Variants in ARSB observed in about 807,000 individuals in gnomAD.
The protein encoded by ARSB is arylsulfatase B, also known as N-acetylgalactosamine-4-sulfatase.
In ARSB, 41 loss-of-function variants were observed where a neutral mutation model predicts 50.9. That is an observed-to-expected ratio of 0.81 (90% confidence interval 0.63 to 1.04). ARSB has a LOEUF of 1.04. Ranked by LOEUF, ARSB falls within the 50% of genes least tolerant of loss-of-function variation. The pLI is 0.00. For missense variants in ARSB, 672 were observed against 693.3 expected (o/e 0.97, Z 0.35); for synonymous variants, 269 against 284.8 (o/e 0.94, Z 0.56).
intron 6 of ARSB, among the ~76,000 whole-genome samples, chr5:78,800,547 G>T (rs892883107): frequency 6.6e-6 from 1 of 152,084 alleles, no homozygotes. Flanking sequence ...AGAATTTTTT[G>T]AGCATCTGCC....
intron 6 of ARSB, among the ~76,000 whole-genome samples, chr5:78,821,026 T>C (rs767007682): frequency 6.6e-6 from 1 of 151,886 alleles, no homozygotes; most frequent in Non-Finnish European, 1.5e-5. Context: ...TAAATCCATA[T>C]TGTATACATA....
chr5:78,962,320 A>G (rs1166662441), intron 3 of ARSB, among the ~76,000 whole-genome samples: 3 of 152,150 alleles, frequency 2.0e-5, no homozygotes, highest in African/African-American at 7.2e-5. Flanking sequence ...CCTAGCAACT[A>G]TTTTTCCAAT....
intron 6 of ARSB, among the ~76,000 whole-genome samples, chr5:78,824,756 G>T (rs1457390549): frequency 6.6e-6 from 1 of 152,178 alleles, no homozygotes; most frequent in African/African-American, 2.4e-5. Flanking sequence ...CAACTGCTGA[G>T]AGAGACAGTA....
chr5:78,984,775 T>C (rs1486868858), intron 1 of ARSB, among the ~76,000 whole-genome samples, 162 bp downstream of exon 1: 1 of 151,780 alleles, frequency 6.6e-6, no homozygotes, highest in African/African-American at 2.4e-5. Context: ...GCTGCCGGCC[T>C]GGAAGAGCGA....
At chr5:78,852,480 G>A (rs1745867036) in intron 5 of ARSB, among the ~76,000 whole-genome samples, 1 of 152,136 alleles carries the variant, frequency 6.6e-6, no homozygotes, top group South Asian at 2.1e-4. Context: ...CTCTCTGGCT[G>A]CCCTTAACAT....
chr5:78,815,676 C>T (rs747490021), intron 6 of ARSB: 5 of 1,014,364 alleles, frequency 4.9e-6, no homozygotes, highest in Non-Finnish European at 5.9e-6. Context: ...CTGGGATGCT[C>T]AAAAGTAAGC....
At chr5:78,976,938 G>A (rs534024943) in intron 1 of ARSB, among the ~76,000 whole-genome samples, 27 of 152,166 alleles carry the variant, frequency 1.8e-4, no homozygotes, top group Non-Finnish European at 2.9e-4. Context: ...CAACAAGCTC[G>A]TTCCAGCCTC....
At chr5:78,825,219 G>A (rs937023564) in intron 6 of ARSB, among the ~76,000 whole-genome samples, 2 of 152,180 alleles carry the variant, frequency 1.3e-5, no homozygotes, top group Non-Finnish European at 2.9e-5. Context: ...AATTTGGAAA[G>A]CGATTTTAAA....
intron 4 of ARSB, among the ~76,000 whole-genome samples, chr5:78,940,482 C>T (rs1425106284): frequency 6.6e-6 from 1 of 152,170 alleles, no homozygotes; most frequent in Non-Finnish European, 1.5e-5. Context: ...GGAAAGGATC[C>T]AGTTTCAGCT....
At chr5:78,871,986 C>T (rs1314995752) in intron 5 of ARSB, among the ~76,000 whole-genome samples, 1 of 151,806 alleles carries the variant, frequency 6.6e-6, no homozygotes, top group Non-Finnish European at 1.5e-5. Context: ...ACAAACAACC[C>T]CATCAAAAAG....
At chr5:78,851,787 T>C (rs1204881488) in intron 5 of ARSB, among the ~76,000 whole-genome samples, 1 of 152,228 alleles carries the variant, frequency 6.6e-6, no homozygotes, top group East Asian at 1.9e-4. Context: ...GCTCTTCTTG[T>C]TGAATTGATC....
At chr5:78,980,218 TTATA>T (rs1752843577) in intron 1 of ARSB, among the ~76,000 whole-genome samples, 1 of 152,178 alleles carries the variant, frequency 6.6e-6, no homozygotes, top group African/African-American at 2.4e-5. Context: ...AAATGGTAAA[TTATA>T]TAGGATGTGA....
intron 4 of ARSB, among the ~76,000 whole-genome samples, chr5:78,894,085 A>G (rs1003763054): frequency 3.3e-5 from 5 of 152,330 alleles, no homozygotes; most frequent in African/African-American, 1.2e-4. Flanking sequence ...CAGTAATGCC[A>G]CTAGAGAAGT....
intron 6 of ARSB, among the ~76,000 whole-genome samples, chr5:78,838,693 A>T (rs1745053322): frequency 6.6e-6 from 1 of 152,172 alleles, no homozygotes; most frequent in Non-Finnish European, 1.5e-5. Flanking sequence ...CTATGCCCAA[A>T]CTCACTATGC....
chr5:78,942,972 G>T (rs1367430513), intron 4 of ARSB, among the ~76,000 whole-genome samples: 3 of 152,204 alleles, frequency 2.0e-5, no homozygotes, highest in African/African-American at 4.8e-5. Context: ...TCCTGTATTG[G>T]GTGCATATAT....
chr5:78,977,158 C>G (rs2112556401), intron 1 of ARSB, among the ~76,000 whole-genome samples: 1 of 142,422 alleles, frequency 7.0e-6, no homozygotes, highest in Admixed American at 6.7e-5. Context: ...TTTCTTTCCC[C>G]ACTTCCCCCC....
chr5:78,795,102 T>G (rs1176919063), intron 6 of ARSB, among the ~76,000 whole-genome samples: 1 of 152,220 alleles, frequency 6.6e-6, no homozygotes, highest in Non-Finnish European at 1.5e-5. Flanking sequence ...GAGAGTAAGC[T>G]CTCAATAAAT....
intron 1 of ARSB, among the ~76,000 whole-genome samples, chr5:78,982,949 C>A (rs1486231074): frequency 6.6e-6 from 1 of 152,176 alleles, no homozygotes; most frequent in Non-Finnish European, 1.5e-5. Flanking sequence ...ACTTCATAAC[C>A]ATGGGGTACT....
intron 3 of ARSB, among the ~76,000 whole-genome samples, chr5:78,961,055 A>G (rs1751963062): frequency 6.6e-6 from 1 of 152,152 alleles, no homozygotes; most frequent in Non-Finnish European, 1.5e-5. Context: ...ACTGCCTCCA[A>G]ATGCTTTTTT....
Sources: allele counts gnomAD v4.1 joint callset (sites outside exome capture counted in the v4.1 genomes callset), GRCh38; gene constraint gnomAD v4.1.1; transcripts MANE v1.5; gene names NCBI Gene and HGNC (gene_info 2026-07-23, HGNC 2026-07-21).